The following KASH5 variants were observed in gnomAD, a reference collection of about 807,000 sequenced individuals.
KASH5 encodes KASH domain containing 5.
In KASH5, 72 loss-of-function variants were observed where a neutral mutation model predicts 84.2. That is an observed-to-expected ratio of 0.85 (90% CI 0.71 to 1.04). The LOEUF is 1.04. Among genes scored for constraint, KASH5 ranks in the 50% least tolerant of loss-of-function variants. KASH5 has a pLI of 0.00. For missense variants in KASH5, 650 were observed against 701.0 expected (o/e 0.93, Z 0.82); for synonymous variants, 260 against 279.1 (o/e 0.93, Z 0.68).
chr19:49,399,114 G>T lies in KASH5; in HGVS notation c.719G>T (p.Arg240Leu), dbSNP rs748298233. 1.0e-5 allele frequency: 16 copies of T among 1,551,464 alleles called. No homozygotes were observed. The highest frequency in any genetic ancestry group is 1.4e-5 in the Non-Finnish European group (16 of 1,146,892). Residue 240 changes from arginine to leucine, a missense_variant, in exon 8 of 20, where the codon CGC (arginine) becomes CTC (leucine). Transcript: ENST00000447857. This position sits in a 1 kb window ranked among gnomAD's most constrained non-coding sequence, Gnocchi z 4.4. ...GCCAGGAGCCTGGAGGAACAGAATC[G>T]CAGCCTTCTGGCCCAAGCCCGGCAG... Reference protein sequence around the residue: ...TLARSLEEQNRSLLAQARQAE... With the variant: ...TLARSLEEQNLSLLAQARQAE...
At chr19:49,402,654 C>G (rs1974398749) in intron 9 of KASH5, among the ~76,000 whole-genome samples, 1 of 152,158 alleles carries the variant, frequency 6.6e-6, no homozygotes, top group Non-Finnish European at 1.5e-5. Context: ...TTGCAGCGAG[C>G]TGAGATTGTG....
At position 49,405,956 on chromosome 19, in the gene KASH5, CAAAAAAA is replaced by C. The variant is rs59895865; in HGVS notation, c.799-914_799-908del. Among the ~76,000 whole-genome samples, 200 of 67,852 alleles carry C rather than the reference CAAAAAAA, an allele frequency of 2.9e-3. 1 individual carries two copies. The highest frequency in any genetic ancestry group is 9.6e-3 in the African/African-American group (167 of 17,424). 44.5% of individuals were successfully genotyped at this position (67,852 alleles called of 152,430 possible). On this transcript the variant is annotated intron_variant, in intron 9 of 19. Transcript: ENST00000447857. ...GGGCAACATGAGGGAAACTCCGTCT[CAAAAAAA>C]AAAAAAAAAAAAAAATTAGCTGGGT...
At position 49,417,237 on chromosome 19, in the gene KASH5, C is replaced by T; in HGVS notation, c.1518C>T (p.Gly506=). 6.2e-7 allele frequency: 1 copy of T among 1,613,558 alleles called. No individual in the cohort carries two copies. ...KLVPVRRRAW[G]QLCLPPQRLR... ...TCCCAGTCAGGAGGAGGGCCTGGGG[C>T]CAGCTCTGCCTGCCCCCACAGCGGC... is the stretch of plus-strand genomic sequence containing the variant. Residue 506 remains glycine, a synonymous_variant, in exon 19 of 20, where the codon GGC becomes GGT. Coordinates refer to ENST00000447857, the MANE Select transcript of KASH5 (RefSeq NM_144688.5). This position sits in a 1 kb window ranked among gnomAD's most constrained non-coding sequence, Gnocchi z 5.2.
intron 15 of KASH5, among the ~76,000 whole-genome samples, chr19:49,410,848 C>G (rs566026561): frequency 6.6e-6 from 1 of 151,848 alleles, no homozygotes; most frequent in Non-Finnish European, 1.5e-5. Context: ...GTCTCAAACT[C>G]CTGGGCTCAA....
rs1260744383 is a variant in KASH5 at position 49,416,414 on chromosome 19, A to G, written c.1375-601A>G. Among the ~76,000 whole-genome samples, 1 of 152,152 alleles carries G rather than the reference A, an allele frequency of 6.6e-6. No individual in the cohort carries two copies. Among genetic ancestry groups the G allele is most frequent in the African/African-American group, 2.4e-5 (1 of 41,438 alleles). Reference sequence around the variant, plus strand: ...CGCCATGTTGGCCAGGTTGGTCTCCATGTCCTGACCTTGTGATCCGCCCGC... The same window carrying G: ...CGCCATGTTGGCCAGGTTGGTCTCCGTGTCCTGACCTTGTGATCCGCCCGC... On this transcript the variant is annotated intron_variant, in intron 17 of 19. Transcript: ENST00000447857. The surrounding 1 kb of genome is among the most constrained non-coding windows in gnomAD (Gnocchi z 5.4).
At chr19:49,407,775 C>A in intron 12 of KASH5, 104 bp downstream of exon 12, 1 of 1,095,472 alleles carries the variant, frequency 9.1e-7, no homozygotes, top group Non-Finnish European at 1.4e-6. Context: ...TCAGTGGCCA[C>A]ATCTTGCTTC....
intron 5 of KASH5, among the ~76,000 whole-genome samples, chr19:49,396,582 C>A (rs1256563808): frequency 6.6e-6 from 1 of 152,148 alleles, no homozygotes; most frequent in African/African-American, 2.4e-5. Flanking sequence ...AAAGGGGAAG[C>A]CCTGGTATGC....
At chr19:49,408,444 C>CTT in intron 12 of KASH5, 2 of 148,040 alleles carry the variant, frequency 1.4e-5, no homozygotes, top group Non-Finnish European at 3.0e-5. Context: ...CTTGGCTGTG[C>CTT]TTTTTTTTTT....
chr19:49,397,966 C>T lies in KASH5; in HGVS notation c.468-16C>T, dbSNP rs200893704. 142 of 1,612,834 alleles carry T rather than the reference C, an allele frequency of 8.8e-5. 1 individual carries two copies. The East Asian group carries it at 2.7e-3, about 30-fold the overall frequency. The stretch of plus-strand genomic sequence containing the variant: ...GGGGCTGTGGACAGTGACCTGAACC[C>T]CTTCCTTGCCCCTAGACAAGCCACA... On this transcript the variant is annotated splice_polypyrimidine_tract_variant and intron_variant, in intron 6 of 19. Transcript: ENST00000447857.
intron 9 of KASH5, among the ~76,000 whole-genome samples, chr19:49,400,822 C>T (rs1600917379): frequency 6.6e-6 from 1 of 152,124 alleles, no homozygotes; most frequent in African/African-American, 2.4e-5. Flanking sequence ...ATTCAAGCCC[C>T]GTTCCATCCA....
chr19:49,415,200 G>A (rs1423044165), intron 17 of KASH5: 2 of 618,396 alleles, frequency 3.2e-6, no homozygotes, highest in Non-Finnish European at 5.7e-6. Flanking sequence ...GAGGCTAGTG[G>A]GCGGCCAGGC....
At position 49,417,166 on chromosome 19, in the gene KASH5, C is replaced by T. The variant is rs756628847; in HGVS notation, c.1447C>T (p.Arg483Trp). 53 of 1,613,542 alleles carry T rather than the reference C, an allele frequency of 3.3e-5. 1 individual carries two copies. Among genetic ancestry groups the T allele is most frequent in the South Asian group, 1.4e-4 (13 of 90,994 alleles). The change falls in exon 19 of 20, where the codon CGG becomes TGG. Residue 483 changes from arginine to tryptophan, a missense_variant. By Grantham distance (101) the Arg-to-Trp change is moderately radical (BLOSUM62 -3). Coordinates refer to ENST00000447857, the MANE Select transcript of KASH5 (RefSeq NM_144688.5). The surrounding 1 kb of genome is among the most constrained non-coding windows in gnomAD (Gnocchi z 5.2). The part of the protein sequence containing the change: ...IPENPPERPA[R>W]RELQQALVPV... ...CCTCCTTCACCCCAGCAGACCTGCG[C>T]GGCGGGAACTCCAGCAAGCCCTGGT...
chr19:49,415,174 G>C lies in KASH5; in HGVS notation c.1374+178G>C, dbSNP rs1022367291. 8.8e-6 allele frequency: 6 copies of C among 680,616 alleles called. No individual in the cohort carries two copies. The East Asian group carries it at 1.6e-4, about 19-fold the overall frequency. 42.2% of individuals were successfully genotyped at this position (680,616 alleles called of 1,614,324 possible). On this transcript the variant is annotated intron_variant, in intron 17 of 19. Transcript: ENST00000447857. ...CTGTAGCTAATGAGAGCGATGGTGA[G>C]GTGGGGGGAGGCCTGGAGGCTAGTG...
chr19:49,407,444 A>AC lies in KASH5; in HGVS notation c.933+152dup, dbSNP rs145306940. The AC allele has an allele frequency of 0.011, 12,589 of 1,106,390 alleles. 943 individuals carry two copies. The African/African-American group carries it at 0.17, about 15-fold the overall frequency. 68.5% of individuals were successfully genotyped at this position (1,106,390 alleles called of 1,614,324 possible). ...AGGGTTTCCCCAGGTCCCAAGTGTG[A>AC]CCCCTCAGGGATCTAGAAGCCCTTC... On this transcript the variant is annotated intron_variant, in intron 11 of 19. Transcript: ENST00000447857.
At chr19:49,389,314 G>T (rs1973923249) in intron 1 of KASH5, among the ~76,000 whole-genome samples, 1 of 144,974 alleles carries the variant, frequency 6.9e-6, no homozygotes, top group South Asian at 2.2e-4. Context: ...CCAAAATCCA[G>T]CCAGACACTC....
At chr19:49,404,603 T>C (rs1421343367) in intron 9 of KASH5, among the ~76,000 whole-genome samples, 1 of 152,164 alleles carries the variant, frequency 6.6e-6, no homozygotes, top group Non-Finnish European at 1.5e-5. Flanking sequence ...CTAATTCCCT[T>C]TGTGTCCCAT....
In KASH5 at chr19:49,390,896, G is replaced by C; in HGVS notation, c.13G>C (p.Glu5Gln). ...GCAGGGGTGGCCCATGGACCTGCCC[G>C]AGGGCCCGGTGGGTGGCCCCACTGC... MDLP[E>Q]GPVGGPTAEM... The change falls in exon 2 of 20, where the codon GAG (glutamate) becomes CAG (glutamine). Residue 5 changes from glutamate (E) to glutamine (Q), a missense_variant. Glu to Gln is a conservative substitution (Grantham distance 29). Transcript: ENST00000447857. 1 of 1,599,954 alleles carries C rather than the reference G, an allele frequency of 6.3e-7. No homozygotes were observed. Among genetic ancestry groups the C allele is most frequent in the Non-Finnish European group, 8.5e-7 (1 of 1,174,562 alleles).
intron 10 of KASH5, 118 bp from the exon 11 acceptor site, chr19:49,407,122 G>A: frequency 7.4e-7 from 1 of 1,356,992 alleles, no homozygotes; most frequent in Non-Finnish European, 1.0e-6. Flanking sequence ...TGAAGTCCTG[G>A]AACATCTCAG....
chr19:49,408,129 T>A (rs1489862693), intron 12 of KASH5: 1 of 215,030 alleles, frequency 4.7e-6, no homozygotes, highest in Non-Finnish European at 9.5e-6. Context: ...TTGGCCAGGA[T>A]GGTCTTGATC....
Sources: allele counts gnomAD v4.1 joint callset (sites outside exome capture counted in the v4.1 genomes callset), GRCh38; gene constraint gnomAD v4.1.1; non-coding constraint Gnocchi (gnomAD v3.1); transcripts MANE v1.5; gene names NCBI Gene and HGNC (gene_info 2026-07-23, HGNC 2026-07-21).